Variants in QTMAN observed in about 807,000 individuals in gnomAD.
QTMAN encodes tRNA-queuosine alpha-mannosyltransferase.
the QTMAN span, among the ~76,000 whole-genome samples, chr2:144,183,852 T>C: frequency 1.3e-5 from 2 of 152,306 alleles, no homozygotes; most frequent in East Asian, 1.9e-4. Flanking sequence ...CACACACTCA[T>C]CTGGTTTGAC....
At chr2:144,098,663 C>T in the QTMAN span, among the ~76,000 whole-genome samples, 3 of 150,958 alleles carry the variant, frequency 2.0e-5, no homozygotes, top group Non-Finnish European at 4.4e-5. Flanking sequence ...TGCAGTGAGC[C>T]GAGATCGCAC....
chr2:144,064,361 T>A, the QTMAN span, among the ~76,000 whole-genome samples: 2 of 152,216 alleles, frequency 1.3e-5, no homozygotes, highest in African/African-American at 2.4e-5. Context: ...TTACATTCAA[T>A]CTGCATGGAA....
chr2:144,119,866 C>G, the QTMAN span, among the ~76,000 whole-genome samples: 1 of 149,630 alleles, frequency 6.7e-6, no homozygotes, highest in Non-Finnish European at 1.5e-5. Context: ...AAAAACAAAA[C>G]AAAACAAAAC....
the QTMAN span, among the ~76,000 whole-genome samples, chr2:144,037,848 G>C: frequency 6.6e-6 from 1 of 152,112 alleles, no homozygotes; most frequent in African/African-American, 2.4e-5. Context: ...TCAATAGTAC[G>C]ATCTCATTAA....
chr2:144,031,785 T>A, the QTMAN span, among the ~76,000 whole-genome samples: 1 of 152,112 alleles, frequency 6.6e-6, no homozygotes, highest in Non-Finnish European at 1.5e-5. Flanking sequence ...TGAGACAGAA[T>A]CTCACTCTGT....
the QTMAN span, among the ~76,000 whole-genome samples, chr2:144,067,970 C>T: frequency 1.3e-5 from 2 of 152,194 alleles, no homozygotes; most frequent in South Asian, 4.1e-4. Context: ...AACATTAGGA[C>T]AGTTCTTCTG....
the QTMAN span, among the ~76,000 whole-genome samples, chr2:144,161,455 C>A: frequency 6.6e-6 from 1 of 152,038 alleles, no homozygotes; most frequent in East Asian, 1.9e-4. Flanking sequence ...AATGTGAATG[C>A]CCAAATTTCA....
chr2:144,218,861 T>C, the QTMAN span, among the ~76,000 whole-genome samples: 1 of 111,300 alleles, frequency 9.0e-6, no homozygotes, highest in Admixed American at 1.1e-4. Flanking sequence ...TAATGAAAAA[T>C]GAAAAGGCCA....
the QTMAN span, among the ~76,000 whole-genome samples, chr2:144,232,789 G>A: frequency 1.3e-5 from 2 of 152,028 alleles, no homozygotes; most frequent in Non-Finnish European, 1.5e-5. Flanking sequence ...AACATTCTAC[G>A]AAATTTCATC....
the QTMAN span, among the ~76,000 whole-genome samples, chr2:144,165,008 T>C: frequency 2.0e-5 from 3 of 152,134 alleles, no homozygotes; most frequent in African/African-American, 7.2e-5. Context: ...ACACATGATG[T>C]TTTAAAAAGA....
chr2:144,280,674 C>T, the QTMAN span, among the ~76,000 whole-genome samples: 1 of 152,086 alleles, frequency 6.6e-6, no homozygotes, highest in East Asian at 1.9e-4. Context: ...TTCGCCCACA[C>T]ATAACCAATA....
chr2:144,156,660 G>A, the QTMAN span, among the ~76,000 whole-genome samples: 2 of 151,926 alleles, frequency 1.3e-5, no homozygotes, highest in South Asian at 4.1e-4. Flanking sequence ...TCTGTACACA[G>A]CTAAATTTAA....
chr2:144,172,591 T>C, the QTMAN span, among the ~76,000 whole-genome samples: 1 of 119,362 alleles, frequency 8.4e-6, no homozygotes, highest in Non-Finnish European at 1.6e-5. Context: ...GCCACTACAC[T>C]CCAGCCTGGG....
chr2:144,016,134 C>T, the QTMAN span, among the ~76,000 whole-genome samples: 37 of 152,226 alleles, frequency 2.4e-4, no homozygotes, highest in Non-Finnish European at 1.2e-4. Flanking sequence ...TATTTAAGAT[C>T]CTTCTATGTG....
the QTMAN span, among the ~76,000 whole-genome samples, chr2:144,122,208 AAG>A: frequency 6.6e-6 from 1 of 152,194 alleles, no homozygotes; most frequent in African/African-American, 2.4e-5. Context: ...GACAAGGAGA[AAG>A]AGAAGATAAA....
At chr2:144,133,152 ATAT>A in the QTMAN span, among the ~76,000 whole-genome samples, 56 of 32,564 alleles carry the variant, frequency 1.7e-3, no homozygotes, top group African/African-American at 0.012. Flanking sequence ...TATATATATA[ATAT>A]AATATAATAT....
chr2:144,236,382 G>C, the QTMAN span, among the ~76,000 whole-genome samples: 1 of 152,134 alleles, frequency 6.6e-6, no homozygotes, highest in African/African-American at 2.4e-5. Flanking sequence ...GCACAGTCTT[G>C]AAGAGAACTA....
At chr2:144,262,018 G>C in the QTMAN span, among the ~76,000 whole-genome samples, 1 of 152,110 alleles carries the variant, frequency 6.6e-6, no homozygotes, top group African/African-American at 2.4e-5. Context: ...GAAAGGAGGA[G>C]CATTAACAAA....
At chr2:144,219,740 TGAGCCTGG>T in the QTMAN span, among the ~76,000 whole-genome samples, 1 of 152,108 alleles carries the variant, frequency 6.6e-6, no homozygotes, top group Non-Finnish European at 1.5e-5. Flanking sequence ...GAGGATCTCT[TGAGCCTGG>T]GAGGTGGAGG....
Sources: allele counts gnomAD v4.1 joint callset (sites outside exome capture counted in the v4.1 genomes callset), GRCh38; gene constraint gnomAD v4.1.1; transcripts MANE v1.5; gene names NCBI Gene and HGNC (gene_info 2026-07-23, HGNC 2026-07-21).